PTPRD: variants seen among roughly 807,000 people sequenced by gnomAD.
The protein encoded by PTPRD is protein tyrosine phosphatase receptor type D.
In PTPRD, 34 loss-of-function variants were observed where a neutral mutation model predicts 214.5. The observed-to-expected ratio is 0.16, with a 90% CI of 0.12 to 0.21. PTPRD has a LOEUF of 0.21. Among genes scored for constraint, PTPRD ranks in the 10% least tolerant of loss-of-function variants. The pLI, the probability that PTPRD is intolerant of heterozygous loss-of-function variation, is 1.00. For missense variants in PTPRD, 2,545 were observed against 2,398.7 expected, an observed-to-expected ratio of 1.06 and a Z score of -1.27; for synonymous variants, 1,128 against 845.7, an observed-to-expected ratio of 1.33 and a Z score of -5.79.
chr9:10,248,510 G>GA (rs2092424238), intron 3 of PTPRD, among the ~76,000 whole-genome samples: 1 of 111,250 alleles, frequency 9.0e-6, no homozygotes, highest in African/African-American at 4.9e-5. Context: ...GGTACATATA[G>GA]CAAAAAAAAA....
intron 2 of PTPRD, among the ~76,000 whole-genome samples, chr9:10,605,125 T>C (rs73642028): frequency 0.045 from 6,812 of 151,922 alleles, 257 homozygotes; most frequent in African/African-American, 0.099. Flanking sequence ...TTTGCCTTCC[T>C]CTTTGGTTAT....
chr9:9,732,255 G>A (rs1210441677), intron 7 of PTPRD, among the ~76,000 whole-genome samples: 1 of 151,894 alleles, frequency 6.6e-6, no homozygotes, highest in African/African-American at 2.4e-5. Context: ...GATTGCTTTT[G>A]GATAACTGTG....
At position 8,542,101 on chromosome 9, in the gene PTPRD, G is replaced by C. The variant is rs191092973; in HGVS notation, c.353-13322C>G. Among the ~76,000 whole-genome samples, 260 of 152,060 alleles carry C rather than the reference G, an allele frequency of 1.7e-3. 1 individual carries two copies. Among genetic ancestry groups the C allele is most frequent in the African/African-American group, 5.8e-3 (240 of 41,468 alleles). ...ATTAAACACAGCAAATTAGAAAAAGGGTTTCAGGCAAAACCTGAGGGCATA... is the reference window on the plus strand; with the variant it reads ...ATTAAACACAGCAAATTAGAAAAAGCGTTTCAGGCAAAACCTGAGGGCATA... On this transcript the variant is annotated intron_variant, in intron 14 of 45. Transcript: ENST00000381196.
chr9:9,789,796 CAAAAAAAAAAAAA>C (rs774579667), intron 5 of PTPRD, among the ~76,000 whole-genome samples: 2 of 40,832 alleles, frequency 4.9e-5, no homozygotes, highest in Non-Finnish European at 9.5e-5. Flanking sequence ...AACTCTGTCT[CAAAAAAAAAAAAA>C]AAAAAAAAAA....
At chr9:9,886,423 C>A (rs976415484) in intron 5 of PTPRD, among the ~76,000 whole-genome samples, 3 of 152,078 alleles carry the variant, frequency 2.0e-5, no homozygotes, top group Non-Finnish European at 2.9e-5. Flanking sequence ...GAGCCCGAAA[C>A]TATTGCCATA....
intron 5 of PTPRD, among the ~76,000 whole-genome samples, chr9:9,898,527 C>G (rs1394012066): frequency 6.6e-6 from 1 of 152,026 alleles, no homozygotes; most frequent in African/African-American, 2.4e-5. Flanking sequence ...TCATATGAAG[C>G]TCTAGATTAC....
At chr9:9,656,058 T>G (rs147931249) in intron 7 of PTPRD, among the ~76,000 whole-genome samples, 1 of 152,134 alleles carries the variant, frequency 6.6e-6, no homozygotes, top group Non-Finnish European at 1.5e-5. Context: ...AAAGTGAAAA[T>G]TAAAACAATG....
chr9:10,267,738 C>T (rs2094161304), intron 3 of PTPRD, among the ~76,000 whole-genome samples: 1 of 152,042 alleles, frequency 6.6e-6, no homozygotes, highest in Non-Finnish European at 1.5e-5. Flanking sequence ...CAAAAATGTT[C>T]ATTAAAGTCT....
intron 10 of PTPRD, among the ~76,000 whole-genome samples, chr9:9,148,286 T>C (rs1187682216): frequency 6.6e-6 from 1 of 152,148 alleles, no homozygotes; most frequent in Non-Finnish European, 1.5e-5. Context: ...CATGGCAACC[T>C]TTTTTTGGAA....
Position 10,062,100 on chromosome 9 carries a change from C to G in PTPRD, c.-544-28310G>C, listed in dbSNP as rs73641835. Among the ~76,000 whole-genome samples the G allele has an allele frequency of 9.8e-3, 1,490 of 152,128 alleles. 18 individuals carry two copies. The highest frequency in any genetic ancestry group is 0.033 in the African/African-American group (1,389 of 41,512). On this transcript the variant is annotated intron_variant, in intron 3 of 45. Transcript: ENST00000381196. ...TGACTCTCATACAATTTTCAACAAT[C>G]GTATTTCAATTTACTCAACTCACTA...
At chr9:8,943,170 T>C (rs2099043834) in intron 11 of PTPRD, among the ~76,000 whole-genome samples, 1 of 152,188 alleles carries the variant, frequency 6.6e-6, no homozygotes, top group Non-Finnish European at 1.5e-5. Context: ...TGTTCATGGA[T>C]TGAAAGTATC....
intron 2 of PTPRD, among the ~76,000 whole-genome samples, chr9:10,380,673 A>G (rs2097801939): frequency 6.6e-6 from 1 of 152,172 alleles, no homozygotes; most frequent in East Asian, 1.9e-4. Context: ...AAGTCCACGG[A>G]ACAAAATCCA....
At chr9:10,481,686 A>C (rs1182361976) in intron 2 of PTPRD, among the ~76,000 whole-genome samples, 2 of 152,264 alleles carry the variant, frequency 1.3e-5, no homozygotes, top group Non-Finnish European at 2.9e-5. Flanking sequence ...TAATCATTAA[A>C]TGTTAAAAAT....
Position 10,592,345 on chromosome 9 carries a change from T to C in PTPRD, c.-600+20053A>G, listed in dbSNP as rs193175843. Among the ~76,000 whole-genome samples the C allele has an allele frequency of 8.4e-4, 128 of 152,124 alleles. 1 individual carries two copies. The highest frequency in any genetic ancestry group is 2.9e-3 in the African/African-American group (119 of 41,532). On this transcript the variant is annotated intron_variant, in intron 2 of 45. Transcript: ENST00000381196. ...ATTACCCTTTGGGTAAACTTACTCA[T>C]TATTATCACCAAAACTTCAGAAAAG...
chr9:9,375,580 G>A (rs201573981), intron 9 of PTPRD, among the ~76,000 whole-genome samples: 1 of 151,640 alleles, frequency 6.6e-6, no homozygotes, highest in African/African-American at 2.4e-5. Flanking sequence ...TGGGCAACAG[G>A]GCAAGACTCC....
chr9:8,773,050 T>C (rs1361750142), intron 11 of PTPRD, among the ~76,000 whole-genome samples: 1 of 152,204 alleles, frequency 6.6e-6, no homozygotes, highest in East Asian at 1.9e-4. Flanking sequence ...TCTATGAATG[T>C]ACTCTACTGA....
In PTPRD at chr9:9,952,704, T is replaced by G. The variant is rs375758995; in HGVS notation, c.-471-14094A>C. On this transcript the variant is annotated intron_variant, in intron 4 of 45. Transcript: ENST00000381196. Reference sequence around the variant, plus strand: ...AGGATAACTATTCACTGGGGAAAGGTGAATGCCCAGAAATTTAAAAGATGG... The same window carrying G: ...AGGATAACTATTCACTGGGGAAAGGGGAATGCCCAGAAATTTAAAAGATGG... Among the ~76,000 whole-genome samples the G allele has an allele frequency of 1.5e-3, 235 of 152,082 alleles. 7 individuals are homozygous for G. In the South Asian group the frequency reaches 0.048, roughly 31 times the overall value.
chr9:10,137,372 TA>T (rs2098949626), intron 3 of PTPRD, among the ~76,000 whole-genome samples: 1 of 5,220 alleles, frequency 1.9e-4, no homozygotes, highest in Non-Finnish European at 3.3e-4. Context: ...TATGCAGCCA[TA>T]AAAAATGATG....
At chr9:9,600,283 G>T (rs550325911) in intron 7 of PTPRD, among the ~76,000 whole-genome samples, 1 of 152,030 alleles carries the variant, frequency 6.6e-6, no homozygotes, top group Non-Finnish European at 1.5e-5. Flanking sequence ...ACAATTAACA[G>T]GTTTAAGTAA....
Sources: allele counts gnomAD v4.1 joint callset (sites outside exome capture counted in the v4.1 genomes callset), GRCh38; gene constraint gnomAD v4.1.1; transcripts MANE v1.5; gene names NCBI Gene and HGNC (gene_info 2026-07-23, HGNC 2026-07-21).